DLG5: variants seen among roughly 807,000 people sequenced by gnomAD.
The protein encoded by DLG5 is discs large MAGUK scaffold protein 5, also known as disks large homolog 5.
DLG5 carries 48 observed loss-of-function variants against 189.8 expected under a neutral mutation model. The observed-to-expected ratio is 0.25, with a 90% CI of 0.20 to 0.32. DLG5 has a LOEUF of 0.32. Ranked by LOEUF, DLG5 falls within the 10% of genes least tolerant of loss-of-function variation. The pLI, the probability that DLG5 is intolerant of heterozygous loss-of-function variation, is 1.00. For synonymous variants in DLG5, 1,016 were observed against 1,054.1 expected (o/e 0.96, Z 0.70); for missense variants, 2,160 against 2,544.7 (o/e 0.85, Z 3.25).
At chr10:77,816,419 C>G (rs1842053299) in intron 20 of DLG5, 132 bp downstream of exon 20, 2 of 1,404,872 alleles carry the variant, frequency 1.4e-6, no homozygotes, top group Non-Finnish European at 2.0e-6. Flanking sequence ...CTGGTGACAC[C>G]AGCAAATGCT....
the DLG5 span, among the ~76,000 whole-genome samples, chr10:77,940,188 A>G: frequency 6.6e-6 from 1 of 152,208 alleles, no homozygotes; most frequent in East Asian, 1.9e-4. Context: ...CCCGCTTCTA[A>G]TAGGCCCACC....
At chr10:77,900,638 A>G (rs1485762222) in intron 1 of DLG5, among the ~76,000 whole-genome samples, 4 of 152,106 alleles carry the variant, frequency 2.6e-5, no homozygotes, top group African/African-American at 4.8e-5. Flanking sequence ...CGTCTCTACT[A>G]AAAATACAAA....
intron 20 of DLG5, among the ~76,000 whole-genome samples, chr10:77,815,090 G>A (rs762205661): frequency 1.3e-5 from 2 of 152,002 alleles, no homozygotes; most frequent in Non-Finnish European, 2.9e-5. Context: ...GGGAGCTAAG[G>A]GAATGCTTGG....
At chr10:77,901,015 T>A (rs1167643124) in intron 1 of DLG5, among the ~76,000 whole-genome samples, 2 of 148,614 alleles carry the variant, frequency 1.3e-5, no homozygotes, top group Non-Finnish European at 3.0e-5. Flanking sequence ...CTTGGGAGGC[T>A]GAGGCAGGAG....
chr10:77,865,426 A>G, intron 2 of DLG5, among the ~76,000 whole-genome samples: 1 of 152,170 alleles, frequency 6.6e-6, no homozygotes, highest in African/African-American at 2.4e-5. Flanking sequence ...TCCCTGGGAT[A>G]TGAGAGAAGC....
At chr10:77,826,857 ATAGT>A (rs1185628111) in intron 13 of DLG5, among the ~76,000 whole-genome samples, 2 of 151,996 alleles carry the variant, frequency 1.3e-5, no homozygotes, top group South Asian at 4.1e-4. Flanking sequence ...CTGAAGCAGG[ATAGT>A]TACTTGAACC....
At chr10:77,809,774 A>C in intron 23 of DLG5, 44 bp from the exon 24 acceptor site, 1 of 1,578,262 alleles carries the variant, frequency 6.3e-7, no homozygotes, top group Non-Finnish European at 8.6e-7. Flanking sequence ...CACAAAGAGG[A>C]GGCACAAAAA....
rs755127019 is a variant in DLG5 at position 77,791,190 on chromosome 10, G to C, written c.*1250C>G. On this transcript the variant is annotated 3_prime_UTR_variant, in exon 32 of 32. Transcript: ENST00000372391. ...AAATGAAATCAAAGATTTCTCGCTA[G>C]TAAAATGAAATGTTAGGAACAGTAT... is the stretch of plus-strand genomic sequence containing the variant. 6.6e-6 allele frequency: 1 copy of C among 152,570 alleles called. No homozygotes were observed. Among genetic ancestry groups the C allele is most frequent in the African/African-American group, 2.4e-5 (1 of 41,422 alleles). 9.5% of individuals were successfully genotyped at this position (152,570 alleles called of 1,614,324 possible). A position where few individuals can be genotyped will look rare whatever the true frequency, so the allele number is the denominator to read the frequency against.
chr10:77,838,283 G>C (rs1237922961), intron 7 of DLG5, among the ~76,000 whole-genome samples: 1 of 152,172 alleles, frequency 6.6e-6, no homozygotes, highest in Non-Finnish European at 1.5e-5. Context: ...TTGGAACCTG[G>C]GAGATTTCTG....
chr10:77,886,581 C>T (rs1355052697), intron 1 of DLG5, among the ~76,000 whole-genome samples: 1 of 152,098 alleles, frequency 6.6e-6, no homozygotes, highest in African/African-American at 2.4e-5. Flanking sequence ...TCTTGAACTC[C>T]TGACCTCAAG....
At chr10:77,883,261 G>A (rs76564041) in intron 1 of DLG5, among the ~76,000 whole-genome samples, 24 of 152,274 alleles carry the variant, frequency 1.6e-4, no homozygotes, top group African/African-American at 5.3e-4. Context: ...GTACGGGTAG[G>A]GAGAGGGCCC....
chr10:77,867,280 T>C (rs1844720691), intron 2 of DLG5, among the ~76,000 whole-genome samples: 2 of 152,216 alleles, frequency 1.3e-5, no homozygotes, highest in African/African-American at 2.4e-5. Context: ...AGAATGCACA[T>C]GTGCCTAGGA....
chr10:77,817,680 G>A (rs529671472), intron 18 of DLG5, 97 bp downstream of exon 18: 54 of 1,074,798 alleles, frequency 5.0e-5, no homozygotes, highest in African/African-American at 3.0e-4. Flanking sequence ...ACAGGAGCTC[G>A]TGTGGGGAGC....
chr10:77,917,523 CA>C (rs35757354), intron 1 of DLG5, among the ~76,000 whole-genome samples: 50,519 of 113,676 alleles, frequency 0.44, 10,007 homozygotes, highest in African/African-American at 0.65. Flanking sequence ...ACTCCATCTC[CA>C]AAAAAAAAAA....
rs760938533 is a variant in DLG5, at chr10:77,822,022, C to G, written c.2462G>C (p.Arg821Pro). 1.2e-6 allele frequency: 2 copies of G among 1,614,060 alleles called. No individual in the cohort carries two copies. The highest frequency in any genetic ancestry group is 2.7e-5 in the African/African-American group (2 of 74,902). ...IKDSDKMLSFRAHGPEVQAHN... is the reference protein window; with the variant it reads ...IKDSDKMLSFPAHGPEVQAHN... ...AGCCTGGACCTCCGGGCCATGGGCTCGAAAACTCAGCATCTTATCAGAGTC... is the reference window on the plus strand; with the variant it reads ...AGCCTGGACCTCCGGGCCATGGGCTGGAAAACTCAGCATCTTATCAGAGTC... The change falls in exon 15 of 32, where the codon CGA (arginine) becomes CCA (proline). Residue 821 changes from arginine (R) to proline (P), a missense_variant. Physicochemically the swap from Arg to Pro is moderately radical, Grantham distance 103. Coordinates refer to ENST00000372391, the MANE Select transcript of DLG5 (RefSeq NM_004747.4).
upstream of DLG5, among the ~76,000 whole-genome samples, chr10:77,930,009 C>G (rs1706078850): frequency 6.6e-6 from 1 of 152,186 alleles, no homozygotes; most frequent in African/African-American, 2.4e-5. Flanking sequence ...ATTTACCCAC[C>G]TTTCCTACTT....
chr10:77,859,425 C>T (rs1470065533), intron 2 of DLG5, among the ~76,000 whole-genome samples: 3 of 152,198 alleles, frequency 2.0e-5, no homozygotes. Flanking sequence ...AACTTCAGGT[C>T]CTGCAAGCTC....
intron 15 of DLG5, chr10:77,820,795 C>T: frequency 2.2e-6 from 1 of 455,214 alleles, no homozygotes; most frequent in Admixed American, 3.8e-5. Flanking sequence ...AAGTCTATGC[C>T]CTAGGTTTTA....
chr10:77,867,350 T>C (rs1248490600), intron 2 of DLG5, among the ~76,000 whole-genome samples: 2 of 152,204 alleles, frequency 1.3e-5, no homozygotes, highest in East Asian at 3.9e-4. Flanking sequence ...TGCTATCTGT[T>C]AGACAGATAT....
Sources: allele counts gnomAD v4.1 joint callset (sites outside exome capture counted in the v4.1 genomes callset), GRCh38; gene constraint gnomAD v4.1.1; transcripts MANE v1.5; gene names NCBI Gene and HGNC (gene_info 2026-07-23, HGNC 2026-07-21).